Variants in ZMYM1 observed in about 807,000 individuals in gnomAD.
The protein encoded by ZMYM1 is zinc finger MYM-type protein 1.
Under a neutral mutation model 60.0 loss-of-function variants are expected in ZMYM1, and 39 were observed. The observed-to-expected ratio is 0.65, with a 90% CI of 0.50 to 0.85. The LOEUF (loss-of-function observed/expected upper bound fraction) is 0.85, where lower values mean the gene tolerates loss of function less well. Among genes scored for constraint, ZMYM1 ranks in the 40% least tolerant of loss-of-function variants. The pLI is 0.00. For synonymous variants in ZMYM1, 413 were observed against 454.0 expected (o/e 0.91, Z 1.15); for missense variants, 1,171 against 1,309.5 (o/e 0.89, Z 1.63).
At chr1:35,104,945 A>G (rs1048091522) in intron 6 of ZMYM1, among the ~76,000 whole-genome samples, 176 bp downstream of exon 6, 1 of 152,188 alleles carries the variant, frequency 6.6e-6, no homozygotes, top group African/African-American at 2.4e-5. Flanking sequence ...TAAATGCTAT[A>G]TGGAGATTTT....
intron 9 of ZMYM1, among the ~76,000 whole-genome samples, chr1:35,112,606 TTA>T (rs1451176962): frequency 1.4e-5 from 2 of 146,660 alleles, no homozygotes; most frequent in African/African-American, 5.0e-5. Flanking sequence ...TATATTATAT[TTA>T]TATATTTAAT....
chr1:35,091,887 CAAAAAAA>C (rs779081046), intron 1 of ZMYM1, among the ~76,000 whole-genome samples: 2 of 84,532 alleles, frequency 2.4e-5, no homozygotes, highest in Non-Finnish European at 4.2e-5. Flanking sequence ...GATCTTGTCT[CAAAAAAA>C]AAAAAAAAAA....
chr1:35,066,735 T>C (rs920411609), intron 1 of ZMYM1, among the ~76,000 whole-genome samples: 3 of 152,010 alleles, frequency 2.0e-5, no homozygotes, highest in African/African-American at 7.2e-5. Flanking sequence ...TCAGCAAAGG[T>C]GGTAATTGCA....
At chr1:35,076,038 T>C (rs180815891), upstream of ZMYM1, among the ~76,000 whole-genome samples, 6 of 152,274 alleles carry the variant, frequency 3.9e-5, no homozygotes, top group Admixed American at 3.9e-4. Context: ...TACTGGTTCA[T>C]ACAAAACAAA....
chr1:35,108,309 A>T (rs537664486), intron 6 of ZMYM1, among the ~76,000 whole-genome samples: 2 of 151,982 alleles, frequency 1.3e-5, no homozygotes, highest in African/African-American at 4.8e-5. Context: ...AATAAAACGT[A>T]TATGTATTTT....
intron 1 of ZMYM1, among the ~76,000 whole-genome samples, chr1:35,064,920 C>G (rs1641944603): frequency 6.6e-6 from 1 of 152,074 alleles, no homozygotes; most frequent in African/African-American, 2.4e-5. Context: ...CGTGATCCGC[C>G]TGCCTCGGCC....
In ZMYM1 at chr1:35,097,472, G is replaced by C; in HGVS notation, c.325G>C (p.Ala109Pro). 6.2e-7 allele frequency: 1 copy of C among 1,614,104 alleles called. No homozygotes were observed. Among genetic ancestry groups the C allele is most frequent in the Non-Finnish European group, 8.5e-7 (1 of 1,180,014 alleles). The change falls in exon 4 of 10, where the codon GCT becomes CCT. Residue 109 changes from alanine to proline, a missense_variant. Coordinates refer to ENST00000359858, the MANE Select transcript of ZMYM1 (RefSeq NM_024772.5). ...GQTAYQRKGS[A>P]QLFCSIPCIT... is the part of the protein sequence containing the mutation. ...AACTGCTTATCAGAGGAAAGGATCT[G>C]CTCAACTTTTCTGCTCCATACCATG...
chr1:35,113,647 A>G lies in ZMYM1; in HGVS notation c.1817A>G (p.Asn606Ser). The G allele has an allele frequency of 6.2e-7, 1 of 1,612,582 alleles. No homozygotes were observed. The highest frequency in any genetic ancestry group is 8.5e-7 in the Non-Finnish European group (1 of 1,179,586). The change falls in exon 10 of 10, where the codon AAT (asparagine) becomes AGT (serine). Residue 606 changes from asparagine to serine, a missense_variant. Coordinates refer to ENST00000359858, the MANE Select transcript of ZMYM1 (RefSeq NM_024772.5). The part of the protein sequence containing the change: ...DKGEETFRLM[N>S]SQVDFYNSTQ... ...GGAGAAGAAACATTTCGACTTATGA[A>G]TTCACAAGTTGACTTCTATAACAGT...
chr1:35,108,586 C>T (rs1460717027), intron 6 of ZMYM1, among the ~76,000 whole-genome samples: 1 of 152,040 alleles, frequency 6.6e-6, no homozygotes, highest in African/African-American at 2.4e-5. Context: ...CTCCTGACCT[C>T]AGATGATCTG....
chr1:35,067,689 A>G (rs1050374750), intron 1 of ZMYM1, among the ~76,000 whole-genome samples: 4 of 151,444 alleles, frequency 2.6e-5, no homozygotes, highest in East Asian at 2.0e-4. Context: ...AGCCTGGCCA[A>G]TATGGTGAAA....
At chr1:35,079,980 C>G (rs933773419) in intron 1 of ZMYM1, among the ~76,000 whole-genome samples, 3 of 152,086 alleles carry the variant, frequency 2.0e-5, no homozygotes, top group Non-Finnish European at 4.4e-5. Flanking sequence ...GGCTTGGTGG[C>G]AGGCGCCTGT....
At chr1:35,088,073 G>T (rs1251925421) in intron 1 of ZMYM1, among the ~76,000 whole-genome samples, 1 of 151,322 alleles carries the variant, frequency 6.6e-6, no homozygotes, top group Non-Finnish European at 1.5e-5. Context: ...AAAAAAAAAT[G>T]AATGTGAATT....
At chr1:35,066,357 C>A (rs1641972119) in intron 1 of ZMYM1, among the ~76,000 whole-genome samples, 1 of 152,118 alleles carries the variant, frequency 6.6e-6, no homozygotes, top group Non-Finnish European at 1.5e-5. Flanking sequence ...GCCACCACGC[C>A]CAGCTAATTT....
In ZMYM1 at chr1:35,115,268, C is replaced by A; in HGVS notation, c.*9C>A. ...AGATGAAAGAAATATAATACATGCT[C>A]ATTTGAACTTACCTAAAAGACTTGT... On this transcript the variant is annotated 3_prime_UTR_variant, in exon 10 of 10. Coordinates refer to ENST00000359858, the MANE Select transcript of ZMYM1 (RefSeq NM_024772.5). The A allele has an allele frequency of 6.5e-7, 1 of 1,541,546 alleles. No homozygotes were observed. Among genetic ancestry groups the A allele is most frequent in the South Asian group, 1.3e-5 (1 of 78,820 alleles).
At chr1:35,117,116 C>A (rs1009794096), downstream of ZMYM1, among the ~76,000 whole-genome samples, 8 of 138,480 alleles carry the variant, frequency 5.8e-5, no homozygotes, top group Non-Finnish European at 1.3e-4. Context: ...CAGGCGTGAG[C>A]CACCGCGCCC....
intron 3 of ZMYM1, among the ~76,000 whole-genome samples, chr1:35,096,323 A>T (rs1227919045): frequency 6.6e-6 from 1 of 151,004 alleles, no homozygotes; most frequent in East Asian, 1.9e-4. Flanking sequence ...AAAAAAAAAA[A>T]AAGAGAAGAA....
At chr1:35,107,833 G>T (rs1167476790) in intron 6 of ZMYM1, among the ~76,000 whole-genome samples, 2 of 152,188 alleles carry the variant, frequency 1.3e-5, no homozygotes, top group African/African-American at 4.8e-5. Flanking sequence ...TATTGGGCCA[G>T]GTGCGGTGGC....
chr1:35,072,854 G>C lies in ZMYM1; in HGVS notation c.-300-6140G>C, dbSNP rs577344302. Among the ~76,000 whole-genome samples, 14 of 152,254 alleles carry C rather than the reference G, an allele frequency of 9.2e-5. No homozygotes were observed. The East Asian group carries it at 1.7e-3, about 19-fold the overall frequency. On this transcript the variant is annotated intron_variant, in intron 1 of 10. Coordinates refer to the ZMYM1 transcript ENST00000417119. The stretch of plus-strand genomic sequence containing the variant: ...CCCAGCACTTTGGGAGGCCAAGACA[G>C]GTGGATCCCCTGAGGTCAGGATTTC...
At chr1:35,105,810 T>G (rs928665980) in intron 6 of ZMYM1, among the ~76,000 whole-genome samples, 1 of 152,168 alleles carries the variant, frequency 6.6e-6, no homozygotes, top group Non-Finnish European at 1.5e-5. Flanking sequence ...CTTACTATGT[T>G]GCCCAAGCTT....
Sources: allele counts gnomAD v4.1 joint callset (sites outside exome capture counted in the v4.1 genomes callset), GRCh38; gene constraint gnomAD v4.1.1; transcripts MANE v1.5; gene names NCBI Gene and HGNC (gene_info 2026-07-23, HGNC 2026-07-21).